VIPR1: variants seen among roughly 807,000 people sequenced by gnomAD.
VIPR1 encodes vasoactive intestinal polypeptide receptor 1.
In VIPR1, 59 loss-of-function variants were observed where a neutral mutation model predicts 58.8. The ratio of observed to expected loss-of-function variants is 1.00; its 90% CI spans 0.81 to 1.25. The LOEUF (loss-of-function observed/expected upper bound fraction) is 1.25. VIPR1 is among the 50% of genes most tolerant of loss of function. VIPR1 has a pLI of 0.00. For missense variants in VIPR1, 626 were observed against 602.7 expected (o/e 1.04, Z -0.40); for synonymous variants, 251 against 242.1 (o/e 1.04, Z -0.34).
rs267599824 is a variant in VIPR1, at chr3:42,530,898, G to A, written c.756G>A (p.Arg252=). 4 of 1,613,960 alleles carry A rather than the reference G, an allele frequency of 2.5e-6. No homozygotes were observed. Among genetic ancestry groups the A allele is most frequent in the Non-Finnish European group, 8.5e-7 (1 of 1,179,960 alleles). ...TTGCCGTCTCCTTCTTCTCTGAGCG[G>A]AAGTACTTCTGGGGGTACATACTCA... is the stretch of plus-strand genomic sequence containing the variant. ...TLLAVSFFSE[R]KYFWGYILIG... Residue 252 remains arginine (R), a synonymous_variant, in exon 7 of 13, where the codon CGG becomes CGA. Coordinates refer to ENST00000325123, the MANE Select transcript of VIPR1 (RefSeq NM_004624.4).
At chr3:42,516,359 ACCCCGTCCCCTGCTTCCC>A (rs1219981017) in intron 2 of VIPR1, among the ~76,000 whole-genome samples, 7 of 151,976 alleles carry the variant, frequency 4.6e-5, no homozygotes, top group African/African-American at 1.7e-4. Flanking sequence ...CATGGCTGTC[ACCCCGTCCCCTGCTTCCC>A]TGACCATGTC....
At chr3:42,496,032 T>C (rs1699752740) in intron 1 of VIPR1, among the ~76,000 whole-genome samples, 1 of 152,050 alleles carries the variant, frequency 6.6e-6, no homozygotes, top group Non-Finnish European at 1.5e-5. Context: ...GTGGTAGGAG[T>C]TCGAGACCAG....
chr3:42,509,825 C>T (rs894925654), intron 1 of VIPR1: 1 of 152,326 alleles, frequency 6.6e-6, no homozygotes. Flanking sequence ...GAGACAGGGA[C>T]TAACCAAGTC....
chr3:42,516,485 G>C (rs1700633443), intron 2 of VIPR1: 1 of 152,314 alleles, frequency 6.6e-6, no homozygotes, highest in Admixed American at 6.5e-5. Context: ...GAGATTCCTT[G>C]AGGCCAAGTG....
At chr3:42,531,014 A>G in intron 7 of VIPR1, 82 bp downstream of exon 7, 1 of 1,551,174 alleles carries the variant, frequency 6.4e-7, no homozygotes, top group Non-Finnish European at 8.8e-7. Context: ...GTGCCAACCC[A>G]GCTTGCAGTC....
chr3:42,531,886 C>A lies in VIPR1; in HGVS notation c.918+17C>A, dbSNP rs370668100. 3.2e-5 allele frequency: 51 copies of A among 1,613,836 alleles called. No individual in the cohort carries two copies. The African/African-American group carries it at 5.2e-4, about 16-fold the overall frequency. On this transcript the variant is annotated intron_variant, in intron 9 of 12. Transcript: ENST00000325123. ...TCCATCTTGGTAAGATACCCTCCCA[C>A]CACCTAGAGATGGGGAAACAGGCCC...
chr3:42,504,058 C>T (rs906601973), intron 1 of VIPR1, among the ~76,000 whole-genome samples: 1 of 152,162 alleles, frequency 6.6e-6, no homozygotes, highest in Non-Finnish European at 1.5e-5. Flanking sequence ...CCCATGACAG[C>T]CATGAGACCC....
chr3:42,527,530 A>T (rs1404268997), intron 5 of VIPR1, 34 bp downstream of exon 5: 2 of 1,603,642 alleles, frequency 1.2e-6, no homozygotes, highest in South Asian at 2.2e-5. Context: ...GCCTCAAAGC[A>T]AACCTGGCAA....
chr3:42,526,975 T>C (rs1701266594), intron 4 of VIPR1, among the ~76,000 whole-genome samples: 1 of 152,030 alleles, frequency 6.6e-6, no homozygotes, highest in African/African-American at 2.4e-5. Context: ...CTCCTCCCTA[T>C]ACAGAGACAG....
intron 6 of VIPR1, chr3:42,529,298 A>G (rs1223664606): frequency 6.6e-6 from 1 of 152,018 alleles, no homozygotes; most frequent in Non-Finnish European, 1.5e-5. Context: ...TCTACTAAAA[A>G]TACAAAAATA....
intron 1 of VIPR1, among the ~76,000 whole-genome samples, chr3:42,491,924 T>C (rs983001892): frequency 3.3e-5 from 5 of 152,168 alleles, no homozygotes; most frequent in Non-Finnish European, 7.4e-5. Context: ...GATACTGAGA[T>C]TGGAGAATGG....
intron 1 of VIPR1, among the ~76,000 whole-genome samples, chr3:42,494,770 TA>T: frequency 6.6e-6 from 1 of 152,334 alleles, no homozygotes; most frequent in South Asian, 2.1e-4. Context: ...TTTAATTTAT[TA>T]TTTTTTTCTA....
chr3:42,535,844 C>A (rs1431791728), intron 12 of VIPR1, among the ~76,000 whole-genome samples: 2 of 152,130 alleles, frequency 1.3e-5, no homozygotes, highest in East Asian at 3.9e-4. Flanking sequence ...AGCATCCCTC[C>A]CTCTCCCTGG....
intron 1 of VIPR1, among the ~76,000 whole-genome samples, chr3:42,508,403 C>G (rs1392543270): frequency 6.6e-6 from 1 of 152,176 alleles, no homozygotes; most frequent in Non-Finnish European, 1.5e-5. Flanking sequence ...TAGGCTCTGC[C>G]ACCTCGTGAA....
intron 10 of VIPR1, chr3:42,532,542 T>C: frequency 1.6e-6 from 1 of 617,156 alleles, no homozygotes; most frequent in East Asian, 2.8e-5. Context: ...GAGCCCTGCA[T>C]GCTTCTCCTG....
chr3:42,512,170 T>A (rs1052497348), intron 1 of VIPR1: 1 of 152,144 alleles, frequency 6.6e-6, no homozygotes, highest in Non-Finnish European at 1.5e-5. Flanking sequence ...GCTGGGGAAA[T>A]CTAAAGGAGT....
chr3:42,532,275 A>C lies in VIPR1; in HGVS notation c.952A>C (p.Ile318Leu). ...CATCCTGTTTATTTGCATCATCCGA[A>C]TCCTGCTTCAGAAACTGCGGCCCCC... ...NFILFICIIRILLQKLRPPDI... is the reference protein window; with the variant it reads ...NFILFICIIRLLLQKLRPPDI... The change falls in exon 10 of 13, where the codon ATC (isoleucine) becomes CTC (leucine). Residue 318 changes from isoleucine to leucine, a missense_variant. Coordinates refer to ENST00000325123, the MANE Select transcript of VIPR1 (RefSeq NM_004624.4). The C allele has an allele frequency of 2.5e-6, 4 of 1,614,038 alleles. No individual in the cohort carries two copies. Among genetic ancestry groups the C allele is most frequent in the Non-Finnish European group, 3.4e-6 (4 of 1,180,014 alleles).
At position 42,536,101 on chromosome 3, in the gene VIPR1, G is replaced by A. The variant is rs146978112; in HGVS notation, c.1194G>A (p.Glu398=). ...TTCCCCTCTCCTAGGTGCAGGCGGAGCTGAGGCGGAAGTGGCGGCGCTGGC... is the reference window on the plus strand; with the variant it reads ...TTCCCCTCTCCTAGGTGCAGGCGGAACTGAGGCGGAAGTGGCGGCGCTGGC... ...YCFLNGEVQA[E]LRRKWRRWHL... The change falls in exon 13 of 13, where the codon GAG becomes GAA. Residue 398 remains glutamate, a synonymous_variant. Transcript: ENST00000325123. 8.5e-4 allele frequency: 1,365 copies of A among 1,602,342 alleles called. 11 individuals are homozygous for A. In the African/African-American group the frequency reaches 0.016, roughly 18 times the overall value.
chr3:42,522,101 A>ATATAT (rs1419353370), intron 3 of VIPR1, among the ~76,000 whole-genome samples: 31 of 35,372 alleles, frequency 8.8e-4, no homozygotes, highest in African/African-American at 3.2e-3. Flanking sequence ...ATATATATAT[A>ATATAT]TTTTTTTTTT....
Sources: allele counts gnomAD v4.1 joint callset (sites outside exome capture counted in the v4.1 genomes callset), GRCh38; gene constraint gnomAD v4.1.1; transcripts MANE v1.5; gene names NCBI Gene and HGNC (gene_info 2026-07-23, HGNC 2026-07-21).